The following PIAS2 variants were observed in gnomAD, a reference collection of about 807,000 sequenced individuals.
PIAS2 encodes protein inhibitor of activated STAT 2, also known as E3 SUMO-protein ligase PIAS2.
PIAS2 carries 19 observed loss-of-function variants against 69.7 expected under a neutral mutation model. The ratio of observed to expected loss-of-function variants is 0.27; its 90% CI spans 0.19 to 0.40. The LOEUF (loss-of-function observed/expected upper bound fraction) is 0.40, where lower values mean the gene tolerates loss of function less well. PIAS2 is among the 10% of genes least tolerant of loss of function. PIAS2 has a pLI of 1.00. For synonymous variants in PIAS2, 261 were observed against 263.2 expected (o/e 0.99, Z 0.08); for missense variants, 624 against 757.0 (o/e 0.82, Z 2.06).
chr18:46,855,409 G>C lies in PIAS2; in HGVS notation c.662C>G (p.Pro221Arg). ...ACTATTTGGATAGTTATCTTCTTGA[G>C]GGCAACTTGTCTCTGCCAGGCAAAG... ...LRLCLAETSC[P>R]QEDNYPNSLC... Residue 221 changes from proline to arginine, a missense_variant, in exon 5 of 14, where the codon CCT becomes CGT. By Grantham distance (103) the Pro-to-Arg change is moderately radical (BLOSUM62 -2). Transcript: ENST00000585916. 2 of 1,612,754 alleles carry C rather than the reference G, an allele frequency of 1.2e-6. No homozygotes were observed. The highest frequency in any genetic ancestry group is 8.5e-7 in the Non-Finnish European group (1 of 1,179,270).
At chr18:46,911,372 C>T (rs911344325) in intron 1 of PIAS2, among the ~76,000 whole-genome samples, 1 of 151,982 alleles carries the variant, frequency 6.6e-6, no homozygotes. Context: ...CCCACCACCA[C>T]GTCGGGCTAA....
rs2040559831 is a variant in PIAS2 at position 46,803,483 on chromosome 18, TCA to T, written c.*8948_*8949del. On this transcript the variant is annotated 3_prime_UTR_variant, in exon 14 of 14. Coordinates refer to ENST00000585916, the MANE Select transcript of PIAS2 (RefSeq NM_004671.5). Reference sequence around the variant, plus strand: ...GTGTTCCTTTTCCAGTCTTCTTTTCTCACTCATCAACTCCTCTGGATGAGTTC... The same window carrying T: ...GTGTTCCTTTTCCAGTCTTCTTTTCTCTCATCAACTCCTCTGGATGAGTTC... 6.6e-6 allele frequency: 1 copy of T among 152,226 alleles called. No individual in the cohort carries two copies. Among genetic ancestry groups the T allele is most frequent in the Non-Finnish European group, 1.5e-5 (1 of 68,036 alleles). 9.4% of individuals were successfully genotyped at this position (152,226 alleles called of 1,614,324 possible).
At chr18:46,816,218 A>G (rs2041517468) in intron 12 of PIAS2, 1 of 985,174 alleles carries the variant, frequency 1.0e-6, no homozygotes, top group Admixed American at 6.2e-5. Context: ...GACACCCCGA[A>G]TATAACCACC....
chr18:46,836,334 G>C (rs1269825329), intron 9 of PIAS2, 23 bp downstream of exon 9: 2 of 1,599,166 alleles, frequency 1.3e-6, no homozygotes, highest in East Asian at 4.5e-5. Context: ...GTCCATATCA[G>C]CTGTTAAAAG....
chr18:46,831,851 T>A (rs1241231484), intron 9 of PIAS2, among the ~76,000 whole-genome samples: 1 of 152,156 alleles, frequency 6.6e-6, no homozygotes, highest in Non-Finnish European at 1.5e-5. Flanking sequence ...TTATAAAACT[T>A]CTACAGGAAG....
chr18:46,890,519 T>C, intron 2 of PIAS2, 61 bp downstream of exon 2: 2 of 983,750 alleles, frequency 2.0e-6, no homozygotes, highest in East Asian at 4.9e-5. Context: ...AATCAATAGT[T>C]GAAGGTCTCT....
At chr18:46,889,363 A>G (rs2053708109) in intron 2 of PIAS2, among the ~76,000 whole-genome samples, 1 of 152,232 alleles carries the variant, frequency 6.6e-6, no homozygotes, top group South Asian at 2.1e-4. Flanking sequence ...TATCCAGAAT[A>G]TACAGAGAAC....
chr18:46,909,259 G>A (rs933057739), intron 1 of PIAS2, among the ~76,000 whole-genome samples: 6 of 152,092 alleles, frequency 3.9e-5, no homozygotes, highest in African/African-American at 1.4e-4. Flanking sequence ...ATACTCGTGG[G>A]TAAAAACTTT....
chr18:46,912,028 G>A (rs1328968922), intron 1 of PIAS2, among the ~76,000 whole-genome samples: 1 of 152,010 alleles, frequency 6.6e-6, no homozygotes, highest in East Asian at 1.9e-4. Context: ...TCCAGCCTGG[G>A]CAACAAGAGC....
intron 1 of PIAS2, 115 bp downstream of exon 1, chr18:46,917,207 G>A: frequency 1.1e-5 from 15 of 1,336,090 alleles, no homozygotes; most frequent in Non-Finnish European, 1.4e-5. Context: ...CCGGGGCTCA[G>A]GGCTCCGCCA....
intron 2 of PIAS2, among the ~76,000 whole-genome samples, chr18:46,873,492 G>A (rs982326883): frequency 1.3e-5 from 2 of 152,192 alleles, no homozygotes; most frequent in Non-Finnish European, 2.9e-5. Flanking sequence ...TCTTGCAGAA[G>A]TAGAGTCAGG....
At chr18:46,884,195 T>C (rs1322873707) in intron 2 of PIAS2, among the ~76,000 whole-genome samples, 2 of 152,236 alleles carry the variant, frequency 1.3e-5, no homozygotes, top group Non-Finnish European at 2.9e-5. Context: ...TCACAGGTGT[T>C]CATTCCCTTG....
At chr18:46,893,209 G>A (rs2146027242) in intron 1 of PIAS2, among the ~76,000 whole-genome samples, 1 of 152,330 alleles carries the variant, frequency 6.6e-6, no homozygotes, top group Non-Finnish European at 1.5e-5. Flanking sequence ...GTTTACCCAA[G>A]CAAGTAATAC....
intron 2 of PIAS2, among the ~76,000 whole-genome samples, chr18:46,874,206 A>G (rs2050809634): frequency 6.6e-6 from 1 of 152,234 alleles, no homozygotes; most frequent in African/African-American, 2.4e-5. Context: ...GAACCCTGGA[A>G]TAGGGCCATT....
At chr18:46,864,815 G>C (rs605487) in intron 2 of PIAS2, among the ~76,000 whole-genome samples, 79,694 of 150,820 alleles carry the variant, frequency 0.53, 21,256 homozygotes, top group Middle Eastern at 0.57. Context: ...ATAACAAAAC[G>C]CTTCAATATT....
At chr18:46,860,810 C>T (rs1402534545) in intron 3 of PIAS2, among the ~76,000 whole-genome samples, 1 of 152,068 alleles carries the variant, frequency 6.6e-6, no homozygotes, top group African/African-American at 2.4e-5. Flanking sequence ...GACCCCATCT[C>T]TATAAAAAAC....
chr18:46,890,698 C>T lies in PIAS2; in HGVS notation c.381G>A (p.Lys127=), dbSNP rs972871410. ...ATGGCTGCTGCATCTCAAATGTGGG[C>T]TTAGTATCTTGAAGCAGCACAGAAC... ...PVGSVLLQDT[K]PTFEMQQPSP... is the part of the protein sequence containing the mutation. Residue 127 remains lysine, a synonymous_variant, in exon 2 of 14, where the codon AAG becomes AAA. Coordinates refer to ENST00000585916, the MANE Select transcript of PIAS2 (RefSeq NM_004671.5). 3 of 1,614,018 alleles carry T rather than the reference C, an allele frequency of 1.9e-6. No individual in the cohort carries two copies. The highest frequency in any genetic ancestry group is 2.2e-5 in the South Asian group (2 of 91,070).
intron 1 of PIAS2, among the ~76,000 whole-genome samples, chr18:46,903,938 T>C (rs1661427236): frequency 6.6e-6 from 1 of 152,218 alleles, no homozygotes. Context: ...TCCAGAATTA[T>C]GCTGAATGAA....
Position 46,829,751 on chromosome 18 carries a change from G to C in PIAS2, c.1319C>G (p.Pro440Arg). The change falls in exon 10 of 14, where the codon CCG (proline) becomes CGG (arginine). Residue 440 changes from proline (P) to arginine (R), a missense_variant. By Grantham distance (103) the Pro-to-Arg change is moderately radical. Coordinates refer to ENST00000585916, the MANE Select transcript of PIAS2 (RefSeq NM_004671.5). The part of the protein sequence containing the change: ...KKEAMKVSSQ[P>R]CTKIESSSVL... ...ACACATACTTTCTATTTTTGTACAC[G>C]GTTGGCTGGATACTTTCATAGCTTC... The C allele has an allele frequency of 1.9e-6, 3 of 1,613,062 alleles. No individual in the cohort carries two copies.
Sources: allele counts gnomAD v4.1 joint callset (sites outside exome capture counted in the v4.1 genomes callset), GRCh38; gene constraint gnomAD v4.1.1; transcripts MANE v1.5; gene names NCBI Gene and HGNC (gene_info 2026-07-23, HGNC 2026-07-21).